Variants in SRCAP observed in about 807,000 individuals in gnomAD.
The protein encoded by SRCAP is Snf2 related CREBBP activator protein.
A neutral mutation model predicts 263.1 loss-of-function variants in SRCAP; 46 were observed. That is an observed-to-expected ratio of 0.17 (90% CI 0.14 to 0.22). SRCAP has a LOEUF of 0.22. SRCAP is among the 10% of genes least tolerant of loss of function. SRCAP has a pLI of 1.00. For synonymous variants in SRCAP, 1,813 were observed against 1,662.1 expected (o/e 1.09, Z -2.21); for missense variants, 3,695 against 4,181.9 (o/e 0.88, Z 3.21).
intron 27 of SRCAP, among the ~76,000 whole-genome samples, chr16:30,730,484 T>C (rs529233776): frequency 6.6e-6 from 1 of 152,160 alleles, no homozygotes; most frequent in African/African-American, 2.4e-5. Context: ...CAGGCTGGAG[T>C]GCAGTGGCTC....
At position 30,722,303 on chromosome 16, in the gene SRCAP, C is replaced by T; in HGVS notation, c.3706+17C>T. The stretch of plus-strand genomic sequence containing the variant: ...CGCTGCAAAGTAGGTAAAACCCACC[C>T]CCTGTCCTGCCTTTTTCCTCCTCTT... On this transcript the variant is annotated intron_variant, in intron 22 of 33. Transcript: ENST00000262518. 10 of 1,607,878 alleles carry T rather than the reference C, an allele frequency of 6.2e-6. No homozygotes were observed. Among genetic ancestry groups the T allele is most frequent in the Non-Finnish European group, 8.5e-6 (10 of 1,176,670 alleles).
At chr16:30,701,926 C>T (rs552952548) in intron 3 of SRCAP, among the ~76,000 whole-genome samples, 1 of 151,132 alleles carries the variant, frequency 6.6e-6, no homozygotes, top group Admixed American at 6.6e-5. Flanking sequence ...GCCCCCAGGC[C>T]TGGCCTATTT....
intron 3 of SRCAP, chr16:30,701,556 G>A (rs554577116): frequency 1.3e-5 from 2 of 152,226 alleles, no homozygotes; most frequent in African/African-American, 4.8e-5. Flanking sequence ...CGCAGTGTAA[G>A]GCTTATGTCC....
chr16:30,722,534 C>T (rs752286463), intron 22 of SRCAP, 29 bp from the exon 23 acceptor site: 1 of 1,608,722 alleles, frequency 6.2e-7, no homozygotes, highest in East Asian at 2.2e-5. Context: ...AGCTGCTTCT[C>T]TCTCTCTTTC....
chr16:30,729,005 CG>C lies in SRCAP; in HGVS notation c.5699del (p.Arg1900ProfsTer67), dbSNP rs1567250237. ...EEKRKRQRSE[R>X]LERIFQLSEA... ...AAAGCGGAAGCGGCAGCGGTCTGAA[CG>C]CCTGGAACGGATTTTCCAACTTAGT... On this transcript the variant is annotated frameshift_variant, in exon 26 of 34. Coordinates refer to ENST00000262518, the MANE Select transcript of SRCAP (RefSeq NM_006662.3). LOFTEE classifies it high-confidence loss of function. The C allele has an allele frequency of 6.2e-7, 1 of 1,614,074 alleles. No individual in the cohort carries two copies. The highest frequency in any genetic ancestry group is 8.5e-7 in the Non-Finnish European group (1 of 1,179,976).
chr16:30,725,836 G>C (rs1008336446), intron 25 of SRCAP: 1 of 151,960 alleles, frequency 6.6e-6, no homozygotes, highest in Non-Finnish European at 1.5e-5. Context: ...TCTTGACCAG[G>C]CTGGTCTCGA....
At position 30,701,500 on chromosome 16, in the gene SRCAP, T is replaced by G. The variant is rs183843939; in HGVS notation, c.54+622T>G. The G allele has an allele frequency of 2.0e-5, 3 of 152,364 alleles. No homozygotes were observed. In the East Asian group the frequency reaches 5.8e-4, roughly 29 times the overall value. 9.4% of individuals were successfully genotyped at this position (152,364 alleles called of 1,614,324 possible). A position where few individuals can be genotyped will look rare whatever the true frequency, so the allele number is the denominator to read the frequency against. On this transcript the variant is annotated intron_variant, in intron 3 of 33. Coordinates refer to ENST00000262518, the MANE Select transcript of SRCAP (RefSeq NM_006662.3). ...GTTTTCCTGAGAAACTGGGGAAATT[T>G]GTGACATACAGTCTTGTCATTTAGC...
intron 31 of SRCAP, among the ~76,000 whole-genome samples, chr16:30,735,135 CATTTTTTTTTTT>C (rs752850529): frequency 8.6e-6 from 1 of 115,788 alleles, no homozygotes. Context: ...AAGTACAAAG[CATTTTTTTTTTT>C]TTTTTTTTTT....
intron 23 of SRCAP, 66 bp downstream of exon 23, chr16:30,722,814 ACTGT>A: frequency 6.4e-7 from 1 of 1,559,216 alleles, no homozygotes; most frequent in East Asian, 2.3e-5. Context: ...GCGCTGGGCT[ACTGT>A]CTGTCCAGCC....
At chr16:30,734,200 G>A (rs980358552) in intron 30 of SRCAP, 192 bp downstream of exon 30, 3 of 633,090 alleles carry the variant, frequency 4.7e-6, no homozygotes, top group African/African-American at 1.9e-5. Context: ...AAAATTAGCC[G>A]GGCATGGTGG....
intron 25 of SRCAP, among the ~76,000 whole-genome samples, chr16:30,727,969 A>G (rs1286949641): frequency 1.3e-5 from 2 of 152,212 alleles, no homozygotes; most frequent in Non-Finnish European, 2.9e-5. Context: ...GGCTTGAGCC[A>G]CTGCTCCTGG....
At position 30,710,836 on chromosome 16, in the gene SRCAP, A is replaced by G. The variant is rs1428285279; in HGVS notation, c.1217A>G (p.Asn406Ser). The G allele has an allele frequency of 6.2e-7, 1 of 1,614,214 alleles. No homozygotes were observed. Among genetic ancestry groups the G allele is most frequent in the Admixed American group, 1.7e-5 (1 of 60,020 alleles). ...PDEDDEEFTA[N>S]EEEAEDEEDT... ...GAAGATGATGAAGAGTTTACTGCCA[A>G]CGAAGAGGAAGGTCAGGGCTGTTCG... is the stretch of plus-strand genomic sequence containing the variant. Residue 406 changes from asparagine to serine, a missense_variant, in exon 9 of 34, where the codon AAC becomes AGC. Around this residue, in one of 12 missense-constraint regions of SRCAP, gnomAD observed 288 missense variants for 302.4 expected, o/e 0.95. Transcript: ENST00000262518.
In SRCAP at chr16:30,737,361, C is replaced by T. The variant is rs748340841; in HGVS notation, c.7321C>T (p.Pro2441Ser). ...PARERVPRPA[P>S]RPRPTPASAP... ...CAGGGAGCGAGTTCCCAGGCCAGCA[C>T]CTAGGCCTCGACCCACTCCAGCTTC... The change falls in exon 34 of 34, where the codon CCT becomes TCT. Residue 2441 changes from proline to serine, a missense_variant. This residue lies in a region of SRCAP where 1,207 missense variants were observed against 1,142.9 expected (regional missense o/e 1.06). Transcript: ENST00000262518. The T allele has an allele frequency of 1.2e-6, 2 of 1,614,002 alleles. No individual in the cohort carries two copies. Among genetic ancestry groups the T allele is most frequent in the South Asian group, 2.2e-5 (2 of 91,060 alleles).
At position 30,737,475 on chromosome 16, in the gene SRCAP, G is replaced by C. The variant is rs2053171980; in HGVS notation, c.7435G>C (p.Val2479Leu). ...SAPNPITILP[V>L]HILPSPPPPS... ...CCCAAATCCAATAACCATTCTCCCT[G>C]TCCATATCTTGCCTTCTCCTCCCCC... The change falls in exon 34 of 34, where the codon GTC becomes CTC. Residue 2479 changes from valine (V) to leucine (L), a missense_variant. Coordinates refer to ENST00000262518, the MANE Select transcript of SRCAP (RefSeq NM_006662.3). The C allele has an allele frequency of 1.3e-6, 2 of 1,592,574 alleles. No homozygotes were observed. The highest frequency in any genetic ancestry group is 4.5e-5 in the East Asian group (2 of 44,510).
chr16:30,709,480 C>T lies in SRCAP; in HGVS notation c.634-33C>T, dbSNP rs867014564. 6.2e-6 allele frequency: 10 copies of T among 1,608,996 alleles called. No homozygotes were observed. The Middle Eastern group carries it at 1.5e-3, about 239-fold the overall frequency. On this transcript the variant is annotated intron_variant, in intron 6 of 33. Transcript: ENST00000262518. ...AAAAGTACATAAATAAAATGGTTAT[C>T]TTGGTGAGCAGTCCCTTTCACATCT...
At chr16:30,710,567 G>A in intron 8 of SRCAP, 187 bp from the exon 9 acceptor site, 1 of 789,792 alleles carries the variant, frequency 1.3e-6, no homozygotes, top group Non-Finnish European at 2.3e-6. Flanking sequence ...TCCCCAGGCA[G>A]TGGGGCCAGG....
chr16:30,716,548 G>T (rs2052952710), intron 18 of SRCAP, 69 bp downstream of exon 18: 2 of 1,443,572 alleles, frequency 1.4e-6, no homozygotes, highest in African/African-American at 2.8e-5. Context: ...ACCTCTTTTC[G>T]TTAGACTGGG....
chr16:30,724,678 C>T lies in SRCAP; in HGVS notation c.5254C>T (p.Pro1752Ser), dbSNP rs201580399. Residue 1752 changes from proline (P) to serine (S), a missense_variant, in exon 25 of 34, where the codon CCC becomes TCC. Transcript: ENST00000262518. The stretch of plus-strand genomic sequence containing the variant: ...TCAGACGCTGTCTCTGGCTCCAGCA[C>T]CCCCTCTGGCTCCAGCTTCTCCAGT... ...PTQTLSLAPAPPLAPASPVGP... is the reference protein window; with the variant it reads ...PTQTLSLAPASPLAPASPVGP... 11 of 1,614,100 alleles carry T rather than the reference C, an allele frequency of 6.8e-6. No individual in the cohort carries two copies. In the African/African-American group the frequency reaches 8.0e-5, roughly 12 times the overall value.
chr16:30,703,145 T>C (rs896634681), intron 3 of SRCAP, among the ~76,000 whole-genome samples: 2 of 142,766 alleles, frequency 1.4e-5, no homozygotes, highest in African/African-American at 6.1e-5. Flanking sequence ...TTTGAAATCA[T>C]ATGCTATATA....
Sources: gnomAD v4.1 joint callset for allele counts (sites outside exome capture counted in the v4.1 genomes callset) on GRCh38, gnomAD v4.1.1 for gene constraint, gnomAD v4.1.1 regional missense constraint, MANE v1.5 for transcripts, NCBI Gene and HGNC (gene_info 2026-07-23, HGNC 2026-07-21) for gene names.